The following GPC5 variants were observed in gnomAD, a reference collection of about 807,000 sequenced individuals.
The protein encoded by GPC5 is glypican 5, also known as glypican-5.
A neutral mutation model predicts 53.9 loss-of-function variants in GPC5; 47 were observed. That is an observed-to-expected ratio of 0.87 (90% CI 0.69 to 1.11). The LOEUF is 1.11. Among genes scored for constraint, GPC5 ranks in the 50% most tolerant of loss-of-function variants. GPC5 has a pLI of 0.00. For missense variants in GPC5, 748 were observed against 713.1 expected (o/e 1.05, Z -0.56); for synonymous variants, 286 against 263.3 (o/e 1.09, Z -0.84).
At chr13:92,417,120 T>C (rs1475291341) in intron 7 of GPC5, among the ~76,000 whole-genome samples, 1 of 152,098 alleles carries the variant, frequency 6.6e-6, no homozygotes, top group Non-Finnish European at 1.5e-5. Flanking sequence ...TTTTGCACCA[T>C]AGTAAAATAA....
chr13:92,643,428 G>T (rs1444865051), intron 7 of GPC5, among the ~76,000 whole-genome samples: 1 of 149,042 alleles, frequency 6.7e-6, no homozygotes, highest in Non-Finnish European at 1.5e-5. Context: ...ACATGCACAC[G>T]TATGTTTATT....
chr13:92,841,484 T>C (rs1217081032), intron 7 of GPC5, among the ~76,000 whole-genome samples: 1 of 152,144 alleles, frequency 6.6e-6, no homozygotes, highest in Admixed American at 6.5e-5. Context: ...CTGGCAAATC[T>C]TATGTCTATG....
At chr13:91,634,414 T>C (rs1307992768) in intron 2 of GPC5, among the ~76,000 whole-genome samples, 1 of 152,042 alleles carries the variant, frequency 6.6e-6, no homozygotes, top group Non-Finnish European at 1.5e-5. Flanking sequence ...GGTCACACAG[T>C]CGATTTGTGA....
At position 92,195,835 on chromosome 13, in the gene GPC5, T is replaced by C. The variant is rs576532375; in HGVS notation, c.1561+50846T>C. 1.8e-3 allele frequency among the ~76,000 whole-genome samples: 273 copies of C among 152,332 alleles called. 3 individuals are homozygous for C. The highest frequency in any genetic ancestry group is 6.4e-3 in the African/African-American group (264 of 41,572). On this transcript the variant is annotated intron_variant, in intron 7 of 7. Coordinates refer to ENST00000377067, the MANE Select transcript of GPC5 (RefSeq NM_004466.6). ...TTGTCATTAACTTTATCCCGGGTTT[T>C]CACTGATCTACCCATTCATCTACTC...
intron 7 of GPC5, among the ~76,000 whole-genome samples, chr13:92,618,687 T>TAAAAAAAAA (rs5805756): frequency 7.2e-6 from 1 of 137,990 alleles, no homozygotes. Context: ...TAAAAAATGT[T>TAAAAAAAAA]AAAAAAAAAA....
intron 2 of GPC5, among the ~76,000 whole-genome samples, chr13:91,659,612 G>A (rs560404291): frequency 2.0e-5 from 3 of 152,126 alleles, no homozygotes; most frequent in Non-Finnish European, 4.4e-5. Flanking sequence ...ACAAATCTAG[G>A]AGTAGTCCCT....
Position 92,605,576 on chromosome 13 carries a change from G to GTTTT in GPC5, c.1562-260693_1562-260690dup, listed in dbSNP as rs55887927. Among the ~76,000 whole-genome samples the GTTTT allele has an allele frequency of 5.4e-3, 757 of 139,508 alleles. 60 individuals are homozygous for GTTTT. The highest frequency in any genetic ancestry group is 0.019 in the African/African-American group (664 of 35,550). The allele number at this position is 139,508 out of a possible 152,430, so 91.5% of individuals were successfully genotyped here. On this transcript the variant is annotated intron_variant, in intron 7 of 7. Coordinates refer to ENST00000377067, the MANE Select transcript of GPC5 (RefSeq NM_004466.6). ...AATAAATGAGCAGCCGTATTCACTA[G>GTTTT]TTTTTTTTTTTTTTTTATTTTTTTG...
intron 7 of GPC5, among the ~76,000 whole-genome samples, chr13:92,177,901 A>G (rs1447703603): frequency 6.6e-6 from 1 of 152,178 alleles, no homozygotes; most frequent in Non-Finnish European, 1.5e-5. Context: ...CATTATATAT[A>G]ATTAAAGATG....
chr13:91,977,830 C>T (rs892207707), intron 6 of GPC5, among the ~76,000 whole-genome samples: 4 of 151,718 alleles, frequency 2.6e-5, no homozygotes, highest in Non-Finnish European at 5.9e-5. Flanking sequence ...AAACTTTTAG[C>T]GCTAGGTGCA....
At position 91,524,743 on chromosome 13, in the gene GPC5, A is replaced by G. The variant is rs1024853280; in HGVS notation, c.325+75821A>G. Among the ~76,000 whole-genome samples the G allele has an allele frequency of 3.9e-5, 6 of 152,162 alleles. No homozygotes were observed. The South Asian group carries it at 1.2e-3, about 32-fold the overall frequency. ...AGGAGCTGAGGGCCACTCTCAGGTT[A>G]TAGAGGAGAGAACATAATTCACCCT... On this transcript the variant is annotated intron_variant, in intron 2 of 7. Coordinates refer to ENST00000377067, the MANE Select transcript of GPC5 (RefSeq NM_004466.6).
At chr13:91,446,410 C>A (rs1033614480) in intron 1 of GPC5, among the ~76,000 whole-genome samples, 24 of 152,226 alleles carry the variant, frequency 1.6e-4, no homozygotes, top group South Asian at 1.2e-3. Context: ...TACTCTGTTT[C>A]TTTTGGAGTT....
intron 2 of GPC5, among the ~76,000 whole-genome samples, chr13:91,598,374 G>A (rs924115038): frequency 1.3e-5 from 2 of 151,770 alleles, no homozygotes; most frequent in Non-Finnish European, 2.9e-5. Flanking sequence ...AATATAACAT[G>A]TTTACAGATA....
At chr13:92,457,777 A>T (rs546390506) in intron 7 of GPC5, among the ~76,000 whole-genome samples, 2 of 152,080 alleles carry the variant, frequency 1.3e-5, no homozygotes, top group African/African-American at 4.8e-5. Flanking sequence ...TTGCTCTAAT[A>T]TCTTTGATTA....
At chr13:91,439,193 C>T (rs1880235063) in intron 1 of GPC5, among the ~76,000 whole-genome samples, 1 of 152,118 alleles carries the variant, frequency 6.6e-6, no homozygotes, top group African/African-American at 2.4e-5. Context: ...ATGGTTATAC[C>T]CAAGGGGGGG....
chr13:92,312,536 A>T (rs546390287), intron 7 of GPC5, among the ~76,000 whole-genome samples: 20 of 152,290 alleles, frequency 1.3e-4, no homozygotes, highest in African/African-American at 4.3e-4. Context: ...CCTTCAACAT[A>T]TATTATTTTC....
At chr13:91,603,354 C>T (rs2033242742) in intron 2 of GPC5, among the ~76,000 whole-genome samples, 1 of 152,250 alleles carries the variant, frequency 6.6e-6, no homozygotes, top group African/African-American at 2.4e-5. Flanking sequence ...AGCAACAATG[C>T]TGACCAGCTC....
intron 4 of GPC5, among the ~76,000 whole-genome samples, chr13:91,731,544 C>A (rs528832473): frequency 4.0e-5 from 6 of 151,326 alleles, no homozygotes; most frequent in Non-Finnish European, 8.8e-5. Flanking sequence ...ATTTTAGGTT[C>A]TGGGATAAAA....
At chr13:92,507,730 C>A (rs955990704) in intron 7 of GPC5, among the ~76,000 whole-genome samples, 1 of 151,834 alleles carries the variant, frequency 6.6e-6, no homozygotes, top group Non-Finnish European at 1.5e-5. Flanking sequence ...TGTCAAGGTG[C>A]CTTTATTTAG....
chr13:92,210,893 A>C (rs929535329), intron 7 of GPC5, among the ~76,000 whole-genome samples: 3 of 152,200 alleles, frequency 2.0e-5, no homozygotes, highest in Non-Finnish European at 2.9e-5. Flanking sequence ...TCAGGCAGAC[A>C]TCACGCTTAC....
Sources: allele counts gnomAD v4.1 joint callset (sites outside exome capture counted in the v4.1 genomes callset), GRCh38; gene constraint gnomAD v4.1.1; transcripts MANE v1.5; gene names NCBI Gene and HGNC (gene_info 2026-07-23, HGNC 2026-07-21).